Variants in CDH8 observed in about 807,000 individuals in gnomAD.
The protein encoded by CDH8 is cadherin-8.
Under a neutral mutation model 68.1 loss-of-function variants are expected in CDH8, and 17 were observed. The observed-to-expected ratio is 0.25, with a 90% confidence interval of 0.17 to 0.37. The LOEUF (loss-of-function observed/expected upper bound fraction) is 0.37, where lower values mean the gene tolerates loss of function less well. Ranked by LOEUF, CDH8 falls within the 10% of genes least tolerant of loss-of-function variation. CDH8 has a pLI of 1.00. For missense variants in CDH8, 763 were observed against 999.3 expected, an observed-to-expected ratio of 0.76 and a Z score of 3.19; for synonymous variants, 372 against 365.1, an observed-to-expected ratio of 1.02 and a Z score of -0.21.
At chr16:61,933,954 C>A (rs76885977) in intron 2 of CDH8, among the ~76,000 whole-genome samples, 1 of 152,036 alleles carries the variant, frequency 6.6e-6, no homozygotes, top group Non-Finnish European at 1.5e-5. Context: ...TCAAAACCTG[C>A]GATTGTAGTA....
chr16:61,856,679 C>T (rs1352684665), intron 4 of CDH8, among the ~76,000 whole-genome samples: 6 of 152,048 alleles, frequency 3.9e-5, no homozygotes, highest in Non-Finnish European at 8.8e-5. Flanking sequence ...ATGACGTGCA[C>T]TGTGTGTTTG....
rs571301479 is a variant in CDH8, at chr16:61,740,689, T to C, written c.1415-13474A>G. Among the ~76,000 whole-genome samples, 41 of 152,348 alleles carry C rather than the reference T, an allele frequency of 2.7e-4. 1 individual carries two copies. The highest frequency in any genetic ancestry group is 9.6e-4 in the African/African-American group (40 of 41,578). On this transcript the variant is annotated intron_variant, in intron 8 of 11. Transcript: ENST00000577390. Reference sequence around the variant, plus strand: ...ATGTAGATGCTTTAGTTCAATGTAATATTTTTTCATTCATATAGTTGCAGC... The same window carrying C: ...ATGTAGATGCTTTAGTTCAATGTAACATTTTTTCATTCATATAGTTGCAGC...
At chr16:61,831,357 A>G (rs1054184507) in intron 4 of CDH8, among the ~76,000 whole-genome samples, 1 of 151,760 alleles carries the variant, frequency 6.6e-6, no homozygotes, top group Non-Finnish European at 1.5e-5. Flanking sequence ...ACCAACATTC[A>G]TTACCTAGCT....
At chr16:61,765,928 G>C (rs1261772487) in intron 8 of CDH8, among the ~76,000 whole-genome samples, 1 of 151,978 alleles carries the variant, frequency 6.6e-6, no homozygotes, top group Non-Finnish European at 1.5e-5. Context: ...CCAGGTGCTA[G>C]CTCAGTGACC....
intron 9 of CDH8, among the ~76,000 whole-genome samples, chr16:61,715,233 T>G (rs921285350): frequency 6.6e-6 from 1 of 151,696 alleles, no homozygotes; most frequent in African/African-American, 2.4e-5. Flanking sequence ...ATAATTATTC[T>G]TAGCTTGAGT....
At chr16:61,800,264 C>T (rs1172587688) in intron 7 of CDH8, among the ~76,000 whole-genome samples, 4 of 152,090 alleles carry the variant, frequency 2.6e-5, no homozygotes, top group Non-Finnish European at 5.9e-5. Flanking sequence ...TATTTTTTAC[C>T]AAAAATGCTC....
At chr16:62,017,450 G>A (rs1227329373) in intron 2 of CDH8, among the ~76,000 whole-genome samples, 1 of 152,136 alleles carries the variant, frequency 6.6e-6, no homozygotes, top group East Asian at 1.9e-4. Context: ...AGAAGCCAAG[G>A]CCAGAGGACT....
intron 2 of CDH8, among the ~76,000 whole-genome samples, chr16:61,914,035 TG>T (rs1964200169): frequency 6.6e-6 from 1 of 152,128 alleles, no homozygotes; most frequent in African/African-American, 2.4e-5. Context: ...CCAATCTGAC[TG>T]GTGTCTTTAT....
intron 7 of CDH8, among the ~76,000 whole-genome samples, chr16:61,799,558 A>T (rs538422480): frequency 2.6e-5 from 4 of 152,262 alleles, no homozygotes; most frequent in African/African-American, 9.6e-5. Context: ...TCATAAAGTT[A>T]GTAAGAGAAA....
At chr16:61,659,376 T>C (rs1963511577) in intron 10 of CDH8, among the ~76,000 whole-genome samples, 1 of 152,120 alleles carries the variant, frequency 6.6e-6, no homozygotes, top group East Asian at 1.9e-4. Context: ...TCCAAACTGG[T>C]TTAGCCAAGA....
intron 10 of CDH8, among the ~76,000 whole-genome samples, chr16:61,677,379 C>A (rs915168334): frequency 1.2e-4 from 18 of 151,534 alleles, no homozygotes; most frequent in Non-Finnish European, 1.5e-4. Flanking sequence ...GTGGCAGCCT[C>A]CAACTTTAAT....
intron 4 of CDH8, among the ~76,000 whole-genome samples, chr16:61,836,965 A>G (rs1020565174): frequency 2.6e-5 from 4 of 151,938 alleles, no homozygotes; most frequent in Admixed American, 2.6e-4. Context: ...TAATCTTCTC[A>G]CCACTCCTTT....
intron 2 of CDH8, among the ~76,000 whole-genome samples, chr16:61,980,972 T>G (rs771579840): frequency 1.3e-5 from 2 of 152,202 alleles, no homozygotes; most frequent in Non-Finnish European, 2.9e-5. Context: ...TGCTTCAGTC[T>G]CCGGTGGCTC....
chr16:61,824,570 C>T (rs558264164), intron 5 of CDH8, among the ~76,000 whole-genome samples: 1 of 151,896 alleles, frequency 6.6e-6, no homozygotes, highest in South Asian at 2.1e-4. Context: ...TGATGTCCTC[C>T]CAGTTGCAGG....
chr16:61,888,522 C>A (rs541068678), intron 3 of CDH8, among the ~76,000 whole-genome samples: 1 of 152,136 alleles, frequency 6.6e-6, no homozygotes, highest in Non-Finnish European at 1.5e-5. Context: ...ATGGGGAGCC[C>A]CTATTCTCAT....
chr16:61,890,685 T>C (rs1341871631), intron 3 of CDH8, among the ~76,000 whole-genome samples: 1 of 152,158 alleles, frequency 6.6e-6, no homozygotes, highest in African/African-American at 2.4e-5. Flanking sequence ...TATTCTATTA[T>C]AGATAACAAA....
In CDH8 at chr16:61,652,650, C is replaced by A; in HGVS notation, c.*958G>T. 9.0e-7 allele frequency: 1 copy of A among 1,112,750 alleles called. No individual in the cohort carries two copies. Among genetic ancestry groups the A allele is most frequent in the African/African-American group, 1.6e-5 (1 of 62,090 alleles). The allele number at this position is 1,112,750 out of a possible 1,614,324, so 68.9% of individuals were successfully genotyped here. ...TCATTGTATATATATTTATATAAAA[C>A]AATCTAAAGGATTATTAATGGATAT... is the stretch of plus-strand genomic sequence containing the variant. On this transcript the variant is annotated 3_prime_UTR_variant, in exon 12 of 12. Transcript: ENST00000577390.
intron 8 of CDH8, among the ~76,000 whole-genome samples, chr16:61,782,765 A>C (rs1961111249): frequency 6.6e-6 from 1 of 152,110 alleles, no homozygotes; most frequent in African/African-American, 2.4e-5. Flanking sequence ...CTGCCTCCTC[A>C]AGTGGGTCCC....
At chr16:61,798,181 AC>A (rs2142996225) in intron 7 of CDH8, among the ~76,000 whole-genome samples, 2 of 152,338 alleles carry the variant, frequency 1.3e-5, no homozygotes, top group South Asian at 4.1e-4. Flanking sequence ...TGATGATGTA[AC>A]AAAAAATGCA....
Sources: gnomAD v4.1 joint callset for allele counts (sites outside exome capture counted in the v4.1 genomes callset) on GRCh38, gnomAD v4.1.1 for gene constraint, MANE v1.5 for transcripts, NCBI Gene and HGNC (gene_info 2026-07-23, HGNC 2026-07-21) for gene names.